KDM4B: variants seen among roughly 807,000 people sequenced by gnomAD.
The protein encoded by KDM4B is lysine demethylase 4B, also known as lysine-specific demethylase 4B.
In KDM4B, 32 loss-of-function variants were observed where a neutral mutation model predicts 125.2. The observed-to-expected ratio is 0.26, with a 90% confidence interval of 0.19 to 0.34. The LOEUF is 0.34. Among genes scored for constraint, KDM4B ranks in the 10% least tolerant of loss-of-function variants. KDM4B has a pLI of 1.00. For synonymous variants in KDM4B, 721 were observed against 677.9 expected (o/e 1.06, Z -0.99); for missense variants, 1,190 against 1,577.7 (o/e 0.75, Z 4.16).
At chr19:4,983,665 G>A (rs1197603726) in intron 1 of KDM4B, among the ~76,000 whole-genome samples, 1 of 152,186 alleles carries the variant, frequency 6.6e-6, no homozygotes, top group Non-Finnish European at 1.5e-5. Flanking sequence ...AGGTGTTTCC[G>A]GGAAGAGAAT....
rs2035251438 is a variant in KDM4B at position 4,997,828 on chromosome 19, G to GAA, written c.-108-18428_-108-18427insAA. Among the ~76,000 whole-genome samples, 1 of 152,264 alleles carries GAA rather than the reference G, an allele frequency of 6.6e-6. No individual in the cohort carries two copies. The highest frequency in any genetic ancestry group is 1.5e-5 in the Non-Finnish European group (1 of 68,048). On this transcript the variant is annotated intron_variant, in intron 1 of 22. Transcript: ENST00000159111. The surrounding 1 kb of genome is among the most constrained non-coding windows in gnomAD (Gnocchi z 4.2). ...CCCCAGAAAGACGGTGACACTCCAG[G>GAA]AGGTTGCTAGACCTGGCGGGCCCCA...
At chr19:5,144,593 C>T (rs111689185) in intron 20 of KDM4B, among the ~76,000 whole-genome samples, 181 bp downstream of exon 20, 15 of 152,290 alleles carry the variant, frequency 9.8e-5, no homozygotes, top group African/African-American at 3.4e-4. Flanking sequence ...GGAAAAGCAC[C>T]GCTCACTGTT....
In KDM4B at chr19:5,082,597, CCG is replaced by C; in HGVS notation, c.918+94_918+95del. 2 of 1,388,282 alleles carry C rather than the reference CCG, an allele frequency of 1.4e-6. No homozygotes were observed. The allele number at this position is 1,388,282 out of a possible 1,614,324, so 86.0% of individuals were successfully genotyped here. On this transcript the variant is annotated intron_variant, in intron 9 of 22. Transcript: ENST00000159111. The surrounding 1 kb of genome is among the most constrained non-coding windows in gnomAD (Gnocchi z 5.4). ...CACACGCCCATAGCTGGTCCAGCAG[CCG>C]TTTCGCTCAGCCCAGGGCCTGGGCT...
chr19:5,111,407 C>G (rs772041736), intron 10 of KDM4B: 1 of 765,318 alleles, frequency 1.3e-6, no homozygotes, highest in South Asian at 1.3e-5. Flanking sequence ...CACAGACCCT[C>G]CCAGCCAGGT....
intron 9 of KDM4B, among the ~76,000 whole-genome samples, chr19:5,109,210 G>T (rs961183263): frequency 6.6e-6 from 1 of 152,210 alleles, no homozygotes; most frequent in African/African-American, 2.4e-5. Context: ...TCCTCTTGAG[G>T]TTGGGGTTTT....
intron 21 of KDM4B, among the ~76,000 whole-genome samples, chr19:5,148,486 G>A (rs537715435): frequency 5.9e-5 from 9 of 152,336 alleles, no homozygotes; most frequent in South Asian, 4.1e-4. Context: ...TTTCTAGAAC[G>A]CGCCTTCCCC....
chr19:4,973,737 C>G (rs2034341212), intron 1 of KDM4B, among the ~76,000 whole-genome samples: 1 of 151,696 alleles, frequency 6.6e-6, no homozygotes, highest in Admixed American at 6.6e-5. Flanking sequence ...AAATGGCCTT[C>G]CCTGTTGGGG....
chr19:5,017,657 T>A (rs1390687468), intron 2 of KDM4B, among the ~76,000 whole-genome samples: 1 of 152,234 alleles, frequency 6.6e-6, no homozygotes, highest in Non-Finnish European at 1.5e-5. Flanking sequence ...TTTCTAAAAC[T>A]CAGCTGTTTT....
intron 8 of KDM4B, chr19:5,080,740 T>C (rs2038266230): frequency 6.6e-6 from 1 of 152,250 alleles, no homozygotes; most frequent in South Asian, 2.1e-4. Flanking sequence ...GAAAGATTGG[T>C]ACATAAGTGT....
chr19:4,992,006 G>A (rs2035045750), intron 1 of KDM4B, among the ~76,000 whole-genome samples: 1 of 152,098 alleles, frequency 6.6e-6, no homozygotes, highest in African/African-American at 2.4e-5. Context: ...GCAGTGGTAA[G>A]GTCCCATCTT....
chr19:4,978,069 G>A (rs568625171), intron 1 of KDM4B, among the ~76,000 whole-genome samples: 1 of 152,202 alleles, frequency 6.6e-6, no homozygotes, highest in African/African-American at 2.4e-5. Context: ...GTCTTGCTCA[G>A]GAGAGAGAGA....
intron 21 of KDM4B, among the ~76,000 whole-genome samples, chr19:5,147,421 A>C (rs1466929267): frequency 6.6e-6 from 1 of 152,110 alleles, no homozygotes; most frequent in Admixed American, 6.5e-5. Context: ...AGCTCACCTC[A>C]AGGAAGCCGA....
At chr19:5,051,727 A>G (rs1209770250) in intron 6 of KDM4B, among the ~76,000 whole-genome samples, 1 of 152,192 alleles carries the variant, frequency 6.6e-6, no homozygotes, top group Non-Finnish European at 1.5e-5. Context: ...GTCATCCTGC[A>G]CCCAGGTGAA....
At chr19:4,999,695 A>T (rs2035307078) in intron 1 of KDM4B, among the ~76,000 whole-genome samples, 2 of 151,594 alleles carry the variant, frequency 1.3e-5, no homozygotes. Context: ...CCACCCATTT[A>T]CTCACCTATC....
intron 15 of KDM4B, 63 bp downstream of exon 15, chr19:5,135,624 G>A (rs1286845027): frequency 3.5e-5 from 48 of 1,388,242 alleles, no homozygotes; most frequent in Non-Finnish European, 4.3e-5. Context: ...TGGGGGTGCC[G>A]GTGGGGGCTC....
At chr19:5,049,591 C>T (rs995349386) in intron 6 of KDM4B, among the ~76,000 whole-genome samples, 2 of 152,036 alleles carry the variant, frequency 1.3e-5, no homozygotes, top group Admixed American at 1.3e-4. Context: ...CCCCACTCGC[C>T]CCCACAGTCA....
Position 5,033,822 on chromosome 19 carries a change from CTG to C in KDM4B, c.141+792_141+793del, listed in dbSNP as rs1434772224. Among the ~76,000 whole-genome samples the C allele has an allele frequency of 3.3e-5, 5 of 152,184 alleles. No individual in the cohort carries two copies. In the East Asian group the frequency reaches 9.6e-4, roughly 29 times the overall value. The stretch of plus-strand genomic sequence containing the variant: ...ACAGCAGACCCCCGAACCCCACATG[CTG>C]AGTATGTACAGTACCATTCTGCTCG... On this transcript the variant is annotated intron_variant, in intron 3 of 22. Coordinates refer to ENST00000159111, the MANE Select transcript of KDM4B (RefSeq NM_015015.3).
chr19:5,075,830 G>C (rs989182070), intron 7 of KDM4B: 2 of 152,872 alleles, frequency 1.3e-5, no homozygotes, highest in African/African-American at 4.8e-5. Flanking sequence ...TGCTGGGGCC[G>C]AGGGTGAGTC....
chr19:5,110,333 G>A (rs778160020), intron 9 of KDM4B, among the ~76,000 whole-genome samples: 1 of 152,206 alleles, frequency 6.6e-6, no homozygotes, highest in Admixed American at 6.5e-5. Flanking sequence ...TTAGCCAGAT[G>A]TGGTGGTGGG....
Sources: gnomAD v4.1 joint callset for allele counts (sites outside exome capture counted in the v4.1 genomes callset) on GRCh38, gnomAD v4.1.1 for gene constraint, Gnocchi (gnomAD v3.1) non-coding constraint, MANE v1.5 for transcripts, NCBI Gene and HGNC (gene_info 2026-07-23, HGNC 2026-07-21) for gene names.